FTO: variants seen among roughly 807,000 people sequenced by gnomAD.
FTO encodes the protein alpha-ketoglutarate-dependent dioxygenase FTO.
In FTO, 47 loss-of-function variants were observed where a neutral mutation model predicts 63.9. The ratio of observed to expected loss-of-function variants is 0.74; its 90% confidence interval spans 0.58 to 0.94. The LOEUF is 0.94. Among genes scored for constraint, FTO ranks in the 40% least tolerant of loss-of-function variants. FTO has a pLI of 0.00. For missense variants in FTO, 562 were observed against 618.1 expected, an observed-to-expected ratio of 0.91 and a Z score of 0.96; for synonymous variants, 207 against 224.4, an observed-to-expected ratio of 0.92 and a Z score of 0.69.
chr16:54,082,463 T>C (rs1267505107), intron 8 of FTO, among the ~76,000 whole-genome samples: 5 of 152,142 alleles, frequency 3.3e-5, no homozygotes, highest in Non-Finnish European at 7.4e-5. Context: ...TTGGTTAAGG[T>C]ATTAGAAGAT....
At chr16:54,100,885 G>A (rs1163520636) in intron 8 of FTO, among the ~76,000 whole-genome samples, 4 of 152,052 alleles carry the variant, frequency 2.6e-5, no homozygotes, top group South Asian at 2.1e-4. Flanking sequence ...GGTGGATCCC[G>A]CACACTGTAG....
intron 1 of FTO, among the ~76,000 whole-genome samples, chr16:53,739,402 G>A (rs1465193776): frequency 6.7e-6 from 1 of 148,764 alleles, no homozygotes; most frequent in Non-Finnish European, 1.5e-5. Context: ...TTTTAGTAGA[G>A]ATGGGGTTTT....
At chr16:54,084,201 C>A (rs1474418561) in intron 8 of FTO, among the ~76,000 whole-genome samples, 1 of 152,154 alleles carries the variant, frequency 6.6e-6, no homozygotes, top group Admixed American at 6.5e-5. Flanking sequence ...GTTATTTAAC[C>A]CTTCTGAGCT....
intron 8 of FTO, among the ~76,000 whole-genome samples, chr16:54,024,026 G>T (rs1479168115): frequency 1.3e-5 from 2 of 152,048 alleles, no homozygotes; most frequent in Non-Finnish European, 2.9e-5. Context: ...GGGTTTAATT[G>T]TTCCCCAGTA....
intron 1 of FTO, among the ~76,000 whole-genome samples, chr16:53,718,996 T>C (rs982027716): frequency 3.3e-5 from 5 of 152,058 alleles, no homozygotes; most frequent in African/African-American, 1.2e-4. Context: ...CAAGCTACAG[T>C]TTGTAAAGCC....
At chr16:53,852,137 A>G (rs946368441) in intron 4 of FTO, among the ~76,000 whole-genome samples, 35 of 148,018 alleles carry the variant, frequency 2.4e-4, no homozygotes, top group Admixed American at 5.5e-4. Flanking sequence ...TAAGCCAGGT[A>G]TGGTGGCAAA....
At chr16:53,920,005 C>T (rs1477738346) in intron 7 of FTO, among the ~76,000 whole-genome samples, 1 of 152,060 alleles carries the variant, frequency 6.6e-6, no homozygotes, top group Non-Finnish European at 1.5e-5. Context: ...TTTAAAAAGA[C>T]TAAATGGGGG....
At chr16:53,878,365 A>G (rs2080728029) in intron 5 of FTO, among the ~76,000 whole-genome samples, 1 of 151,838 alleles carries the variant, frequency 6.6e-6, no homozygotes, top group African/African-American at 2.4e-5. Context: ...ATTCACCTTT[A>G]TTCTTTGTGG....
At position 54,032,314 on chromosome 16, in the gene FTO, A is replaced by G. The variant is rs2084851101; in HGVS notation, c.1365-79448A>G. On this transcript the variant is annotated intron_variant, in intron 8 of 8. Coordinates refer to ENST00000471389, the MANE Select transcript of FTO (RefSeq NM_001080432.3). ...TTGGTTTGGAGGATGAAGAAGAGGA[A>G]CGAGCCAAGAGTGATTCTCTGATAT... is the stretch of plus-strand genomic sequence containing the variant. Among the ~76,000 whole-genome samples, 4 of 152,300 alleles carry G rather than the reference A, an allele frequency of 2.6e-5. No homozygotes were observed. In the South Asian group the frequency reaches 8.3e-4, roughly 32 times the overall value.
At chr16:53,896,039 T>G (rs2081271788) in intron 7 of FTO, among the ~76,000 whole-genome samples, 2 of 152,072 alleles carry the variant, frequency 1.3e-5, no homozygotes, top group Admixed American at 6.6e-5. Flanking sequence ...ACATTCTATA[T>G]GTAAAGAAAA....
chr16:54,077,799 A>G (rs772946564), intron 8 of FTO, among the ~76,000 whole-genome samples: 3 of 152,222 alleles, frequency 2.0e-5, no homozygotes, highest in Non-Finnish European at 2.9e-5. Flanking sequence ...CCTGGAGGCC[A>G]GAATGGCAGG....
chr16:53,857,468 T>A lies in FTO; in HGVS notation c.895+13170T>A, dbSNP rs201443009. On this transcript the variant is annotated intron_variant, in intron 4 of 8. Coordinates refer to ENST00000471389, the MANE Select transcript of FTO (RefSeq NM_001080432.3). Reference sequence around the variant, plus strand: ...TCTCTCTCTCTCTCTCTCTCTCTCTTTCTATATATATATAGGAAGTCCTGG... The same window carrying A: ...TCTCTCTCTCTCTCTCTCTCTCTCTATCTATATATATATAGGAAGTCCTGG... 1.6e-4 allele frequency among the ~76,000 whole-genome samples: 20 copies of A among 124,872 alleles called. No homozygotes were observed. The East Asian group carries it at 1.7e-3, about 10-fold the overall frequency. The allele number at this position is 124,872 out of a possible 152,430, so 81.9% of individuals were successfully genotyped here.
chr16:53,898,899 TC>T (rs1434905754), intron 7 of FTO, among the ~76,000 whole-genome samples: 1 of 152,182 alleles, frequency 6.6e-6, no homozygotes, highest in Non-Finnish European at 1.5e-5. Flanking sequence ...GGTCTTGAAC[TC>T]CTGGCCTTAA....
At chr16:53,712,391 A>AT (rs1382137918) in intron 1 of FTO, among the ~76,000 whole-genome samples, 2 of 152,060 alleles carry the variant, frequency 1.3e-5, no homozygotes, top group East Asian at 3.9e-4. Flanking sequence ...ATCCATTATT[A>AT]TTTTTTGCTT....
At chr16:54,036,554 C>T (rs776053894) in intron 8 of FTO, among the ~76,000 whole-genome samples, 43 of 152,280 alleles carry the variant, frequency 2.8e-4, no homozygotes, top group Non-Finnish European at 5.1e-4. Context: ...AAAAATGCTG[C>T]AATGCCTTCT....
chr16:53,759,284 A>G (rs1204528315), intron 1 of FTO, among the ~76,000 whole-genome samples: 1 of 152,236 alleles, frequency 6.6e-6, no homozygotes, highest in Admixed American at 6.5e-5. Flanking sequence ...AAAACAAAGC[A>G]ATGGAAAATA....
intron 6 of FTO, 76 bp downstream of exon 6, chr16:53,880,063 C>T (rs2080781533): frequency 1.3e-5 from 14 of 1,060,560 alleles, no homozygotes; most frequent in African/African-American, 6.4e-5. Context: ...GGCATGACCT[C>T]GGCTCACTAC....
chr16:54,009,022 A>G (rs2084278879), intron 8 of FTO, among the ~76,000 whole-genome samples: 1 of 151,902 alleles, frequency 6.6e-6, no homozygotes, highest in Non-Finnish European at 1.5e-5. Context: ...CCCCCCAAAA[A>G]AAAAGTCTAG....
chr16:54,074,461 TA>T (rs1468154277), intron 8 of FTO, among the ~76,000 whole-genome samples: 2 of 152,162 alleles, frequency 1.3e-5, no homozygotes, highest in African/African-American at 4.8e-5. Context: ...ATATACTTTT[TA>T]AAGCAATATT....
Sources: gnomAD v4.1 joint callset for allele counts (sites outside exome capture counted in the v4.1 genomes callset) on GRCh38, gnomAD v4.1.1 for gene constraint, MANE v1.5 for transcripts, NCBI Gene and HGNC (gene_info 2026-07-23, HGNC 2026-07-21) for gene names.